The following MCMBP variants were observed in gnomAD, a reference collection of about 807,000 sequenced individuals.
MCMBP encodes the protein minichromosome maintenance complex binding protein, also known as mini-chromosome maintenance complex-binding protein.
MCMBP carries 31 observed loss-of-function variants against 81.3 expected under a neutral mutation model. The ratio of observed to expected loss-of-function variants is 0.38; its 90% confidence interval spans 0.29 to 0.51. MCMBP has a LOEUF of 0.51. Ranked by LOEUF, MCMBP falls within the 20% of genes least tolerant of loss-of-function variation. The pLI, the probability that MCMBP is intolerant of heterozygous loss-of-function variation, is 0.87. For synonymous variants in MCMBP, 267 were observed against 275.9 expected (o/e 0.97, Z 0.32); for missense variants, 645 against 772.1 (o/e 0.84, Z 1.95).
At chr10:119,849,341 G>A in intron 7 of MCMBP, 84 bp downstream of exon 7, 1 of 1,419,760 alleles carries the variant, frequency 7.0e-7, no homozygotes. Flanking sequence ...CCAGCACAAG[G>A]GAACAAATGC....
chr10:119,867,482 T>C (rs923342798), intron 1 of MCMBP, among the ~76,000 whole-genome samples: 4 of 152,004 alleles, frequency 2.6e-5, no homozygotes, highest in Non-Finnish European at 5.9e-5. Flanking sequence ...ACGCCCCCAA[T>C]GTTGAGGTGT....
chr10:119,864,706 T>C (rs1671362902), intron 1 of MCMBP, among the ~76,000 whole-genome samples: 1 of 138,068 alleles, frequency 7.2e-6, no homozygotes, highest in Admixed American at 7.7e-5. Flanking sequence ...TTGCTCTTCA[T>C]TTCTAGTTTC....
At chr10:119,867,904 T>C (rs923366566) in intron 1 of MCMBP, among the ~76,000 whole-genome samples, 5 of 152,150 alleles carry the variant, frequency 3.3e-5, no homozygotes, top group African/African-American at 1.2e-4. Context: ...GCACAGATTG[T>C]CTGTTTAGAT....
chr10:119,857,091 C>T (rs2134386504), intron 5 of MCMBP, among the ~76,000 whole-genome samples: 1 of 120,338 alleles, frequency 8.3e-6, no homozygotes, highest in East Asian at 2.6e-4. Flanking sequence ...CAGTGAGTCC[C>T]TATCTCAAAA....
chr10:119,842,050 G>A (rs762465612), intron 10 of MCMBP, among the ~76,000 whole-genome samples: 8 of 152,156 alleles, frequency 5.3e-5, no homozygotes, highest in South Asian at 2.1e-4. Context: ...GATCAGCAGT[G>A]GCATCAGACT....
chr10:119,861,371 T>A (rs527688718), intron 1 of MCMBP, among the ~76,000 whole-genome samples: 3 of 152,096 alleles, frequency 2.0e-5, no homozygotes, highest in Non-Finnish European at 2.9e-5. Context: ...ATCATCTGAG[T>A]ACTTGTTAGA....
intron 14 of MCMBP, among the ~76,000 whole-genome samples, chr10:119,833,460 C>T (rs1193434495): frequency 1.4e-5 from 2 of 139,656 alleles, no homozygotes; most frequent in Non-Finnish European, 3.1e-5. Flanking sequence ...GGCAATAAAG[C>T]AAGACCTCAT....
intron 13 of MCMBP, among the ~76,000 whole-genome samples, 163 bp downstream of exon 13, chr10:119,836,732 AT>A (rs1852255758): frequency 6.9e-6 from 1 of 144,088 alleles, no homozygotes; most frequent in South Asian, 2.3e-4. Flanking sequence ...AAAATACTCA[AT>A]TCCCTTAATG....
At position 119,849,346 on chromosome 10, in the gene MCMBP, A is replaced by C. The variant is rs991605582; in HGVS notation, c.726+79T>G. On this transcript the variant is annotated intron_variant, in intron 7 of 15. Coordinates refer to ENST00000369077, the MANE Select transcript of MCMBP (RefSeq NM_001256378.2). Reference sequence around the variant, plus strand: ...TATAGCTAGCCCAGCACAAGGGAACAAATGCAAATGCTCAGACACTAAGCT... The same window carrying C: ...TATAGCTAGCCCAGCACAAGGGAACCAATGCAAATGCTCAGACACTAAGCT... The C allele has an allele frequency of 2.7e-6, 4 of 1,457,026 alleles. No homozygotes were observed. The African/African-American group carries it at 5.8e-5, about 21-fold the overall frequency. The allele number at this position is 1,457,026 out of a possible 1,614,324, so 90.3% of individuals were successfully genotyped here.
chr10:119,853,319 A>G (rs1009002445), intron 5 of MCMBP, 125 bp from the exon 6 acceptor site: 5 of 984,996 alleles, frequency 5.1e-6, no homozygotes, highest in East Asian at 2.6e-5. Flanking sequence ...ATTTTCATAA[A>G]AGGAGGCTAG....
chr10:119,871,317 A>G (rs1037523979), intron 1 of MCMBP, among the ~76,000 whole-genome samples: 3 of 152,074 alleles, frequency 2.0e-5, no homozygotes, highest in African/African-American at 4.8e-5. Context: ...CCCTTCCTCA[A>G]AGCACCCTTG....
At position 119,829,859 on chromosome 10, in the gene MCMBP, A is replaced by G. The variant is rs1033316869; in HGVS notation, c.*1615T>C. On this transcript the variant is annotated 3_prime_UTR_variant, in exon 16 of 16. Transcript: ENST00000369077. ...AGGGAACTTTTCTGCAAGACCAAGC[A>G]ATGTATGTATTTTTCTTTGGTAAAT... 2.0e-5 allele frequency: 3 copies of G among 152,288 alleles called. No homozygotes were observed. The highest frequency in any genetic ancestry group is 4.4e-5 in the Non-Finnish European group (3 of 68,040). 9.4% of individuals were successfully genotyped at this position (152,288 alleles called of 1,614,324 possible).
chr10:119,862,310 C>A (rs965634799), intron 1 of MCMBP, among the ~76,000 whole-genome samples: 5 of 151,914 alleles, frequency 3.3e-5, no homozygotes, highest in Admixed American at 1.3e-4. Context: ...TTCGTCCCCC[C>A]CCACACCACC....
chr10:119,850,874 G>GTTTTTTTTT lies in MCMBP; in HGVS notation c.575-1307_575-1299dup, dbSNP rs1284100421. 8.7e-4 allele frequency among the ~76,000 whole-genome samples: 114 copies of GTTTTTTTTT among 130,516 alleles called. 2 individuals carry two copies. The highest frequency in any genetic ancestry group is 7.9e-3 in the Middle Eastern group (2 of 254). 85.6% of individuals were successfully genotyped at this position (130,516 alleles called of 152,430 possible). ...AGAGGCTAAAAGGTATACAAGATCT[G>GTTTTTTTTT]TTTTTTTTTTTTTTTTTTGAGACAG... On this transcript the variant is annotated intron_variant, in intron 6 of 15. Coordinates refer to ENST00000369077, the MANE Select transcript of MCMBP (RefSeq NM_001256378.2).
At chr10:119,842,892 T>G in intron 9 of MCMBP, 1 of 375,936 alleles carries the variant, frequency 2.7e-6, no homozygotes, top group South Asian at 2.3e-5. Context: ...TAGCTGGGAT[T>G]ACAGGCACAC....
intron 5 of MCMBP, among the ~76,000 whole-genome samples, chr10:119,856,789 CTA>C (rs1853061926): frequency 6.6e-6 from 1 of 152,190 alleles, no homozygotes; most frequent in South Asian, 2.1e-4. Flanking sequence ...CAATTTGAAA[CTA>C]TTTTTTTACT....
chr10:119,857,523 A>G, intron 4 of MCMBP, 84 bp from the exon 5 acceptor site: 1 of 719,986 alleles, frequency 1.4e-6, no homozygotes. Context: ...ACATTTTCAC[A>G]TTATAACACC....
At chr10:119,832,133 A>AT (rs1491323089) in intron 14 of MCMBP, 33 bp from the exon 15 acceptor site, 4 of 1,586,988 alleles carry the variant, frequency 2.5e-6, no homozygotes, top group Non-Finnish European at 2.6e-6. Context: ...AATGATGTGC[A>AT]TTTTTGTAAG....
At chr10:119,843,573 A>G in intron 8 of MCMBP, 147 bp from the exon 9 acceptor site, 1 of 691,614 alleles carries the variant, frequency 1.4e-6, no homozygotes, top group Non-Finnish European at 2.4e-6. Flanking sequence ...GTGGCCTCTC[A>G]TTCTAAAGTG....
Sources: allele counts gnomAD v4.1 joint callset (sites outside exome capture counted in the v4.1 genomes callset), GRCh38; gene constraint gnomAD v4.1.1; transcripts MANE v1.5; gene names NCBI Gene and HGNC (gene_info 2026-07-23, HGNC 2026-07-21).